The following CHUK variants were observed in gnomAD, a reference collection of about 807,000 sequenced individuals.
The protein encoded by CHUK is inhibitor of nuclear factor kappa-B kinase subunit alpha.
In CHUK, 35 loss-of-function variants were observed where a neutral mutation model predicts 104.8. The observed-to-expected ratio is 0.33, with a 90% CI of 0.26 to 0.44. The LOEUF is 0.44. Among genes scored for constraint, CHUK ranks in the 20% least tolerant of loss-of-function variants. CHUK has a pLI of 1.00. For missense variants in CHUK, 663 were observed against 902.7 expected (o/e 0.73, Z 3.40); for synonymous variants, 276 against 291.9 (o/e 0.95, Z 0.56).
Position 100,207,271 on chromosome 10 carries a change from G to C in CHUK, c.1190C>G (p.Pro397Arg). The change falls in exon 11 of 21, where the codon CCA becomes CGA. Residue 397 changes from proline to arginine, a missense_variant. Transcript: ENST00000370397. ...ATCAGATAAACTTCTGGAAGCAAAT[G>C]GCCCTTCATATACAGTTTTACTTTT... ...FDKSKTVYEG[P>R]FASRSLSDCV... The C allele has an allele frequency of 6.3e-7, 1 of 1,578,126 alleles. No individual in the cohort carries two copies. Among genetic ancestry groups the C allele is most frequent in the Non-Finnish European group, 8.7e-7 (1 of 1,148,300 alleles).
At position 100,218,974 on chromosome 10, in the gene CHUK, A is replaced by G. The variant is rs759528104; in HGVS notation, c.689+34T>C. ...GACAAATGAAAAAATTTCCATTCCC[A>G]TTAAGCATGCCCAAGTTCTCATCCA... On this transcript the variant is annotated intron_variant, in intron 7 of 20. Coordinates refer to ENST00000370397, the MANE Select transcript of CHUK (RefSeq NM_001278.5). 1.1e-5 allele frequency: 17 copies of G among 1,613,556 alleles called. No individual in the cohort carries two copies. In the East Asian group the frequency reaches 3.8e-4, roughly 36 times the overall value.
chr10:100,203,839 G>A (rs1437190871), intron 13 of CHUK, among the ~76,000 whole-genome samples: 25 of 152,106 alleles, frequency 1.6e-4, no homozygotes. Context: ...AGCAGTTTAA[G>A]ACTCCCCTGG....
Position 100,222,905 on chromosome 10 carries a change from A to C in CHUK, c.276T>G (p.Leu92=). Reference sequence around the variant, plus strand: ...CTCCAGAACAGTATTCCATTGCTAGAAGAGGCACATCATGAATCAAAATAT... The same window carrying C: ...CTCCAGAACAGTATTCCATTGCTAGCAGAGGCACATCATGAATCAAAATAT... ...ELNILIHDVP[L]LAMEYCSGGD... The change falls in exon 3 of 21, where the codon CTT becomes CTG. Residue 92 remains leucine (L), a synonymous_variant. Coordinates refer to ENST00000370397, the MANE Select transcript of CHUK (RefSeq NM_001278.5). 5.0e-6 allele frequency: 8 copies of C among 1,605,428 alleles called. No individual in the cohort carries two copies. Among genetic ancestry groups the C allele is most frequent in the Non-Finnish European group, 6.8e-6 (8 of 1,172,240 alleles).
At chr10:100,229,343 C>T (rs1035902117) in intron 1 of CHUK, 85 bp downstream of exon 1, 1 of 1,001,964 alleles carries the variant, frequency 1.0e-6, no homozygotes, top group Admixed American at 1.9e-5. Context: ...ACCATCTATC[C>T]CACACTGTCA....
chr10:100,226,056 T>G (rs762572669), intron 1 of CHUK, 39 bp from the exon 2 acceptor site: 2 of 1,220,394 alleles, frequency 1.6e-6, no homozygotes, highest in African/African-American at 3.0e-5. Context: ...AAAAATTAGG[T>G]TCTTGTGAAG....
chr10:100,207,435 A>C, intron 10 of CHUK, 103 bp from the exon 11 acceptor site: 1 of 688,840 alleles, frequency 1.5e-6, no homozygotes, highest in East Asian at 2.7e-5. Context: ...AATGCAAATG[A>C]ACAAAATCAA....
rs1171715993 is a variant in CHUK, at chr10:100,190,924, C to T, written c.2153G>A (p.Gly718Asp). The change falls in exon 20 of 21, where the codon GGC becomes GAC. Residue 718 changes from glycine (G) to aspartate (D), a missense_variant. By Grantham distance (94) the Gly-to-Asp change is moderately conservative. Transcript: ENST00000370397. The stretch of plus-strand genomic sequence containing the variant: ...CTCATGAATAATAGTGCTTAAATGG[C>T]CAAGGCAGTTCAAATTTTCTTCTAT... ...QMIEENLNCL[G>D]HLSTIIHEAN... 3.7e-6 allele frequency: 6 copies of T among 1,612,768 alleles called. No homozygotes were observed. The highest frequency in any genetic ancestry group is 5.1e-6 in the Non-Finnish European group (6 of 1,178,762).
intron 18 of CHUK, chr10:100,193,686 T>C (rs1441610049): frequency 6.7e-6 from 4 of 597,324 alleles, no homozygotes; most frequent in Non-Finnish European, 1.2e-5. Context: ...AAAAACCCAG[T>C]TGAATAGATG....
At chr10:100,208,110 A>C (rs1377346530) in intron 10 of CHUK, among the ~76,000 whole-genome samples, 1 of 152,020 alleles carries the variant, frequency 6.6e-6, no homozygotes. Flanking sequence ...ATACAAAAAG[A>C]AATTTTTTTT....
At chr10:100,213,000 C>CA (rs11349438) in intron 9 of CHUK, among the ~76,000 whole-genome samples, 1,648 of 104,324 alleles carry the variant, frequency 0.016, 38 homozygotes, top group African/African-American at 0.051. Flanking sequence ...GACTTTGTCT[C>CA]AAAAAAAAAA....
chr10:100,219,361 T>C lies in CHUK; in HGVS notation c.475-2A>G, dbSNP rs1241489053. On this transcript the variant is annotated splice_acceptor_variant, in intron 5 of 20. Transcript: ENST00000370397. LOFTEE classifies it high-confidence loss of function. ...CAGATCAATTATTTTATGTATTATC[T>C]GCAAAATAATAAGACAGATTAAGTA... is the stretch of plus-strand genomic sequence containing the variant. 7.0e-7 allele frequency: 1 copy of C among 1,431,650 alleles called. No homozygotes were observed. The highest frequency in any genetic ancestry group is 9.9e-7 in the Non-Finnish European group (1 of 1,014,160). The allele number at this position is 1,431,650 out of a possible 1,614,324, so 88.7% of individuals were successfully genotyped here. A position where few individuals can be genotyped will look rare whatever the true frequency, so the allele number is the denominator to read the frequency against.
At chr10:100,191,627 C>T (rs563415983) in intron 19 of CHUK, among the ~76,000 whole-genome samples, 1 of 152,304 alleles carries the variant, frequency 6.6e-6, no homozygotes, top group Non-Finnish European at 1.5e-5. Flanking sequence ...TTCTATATGG[C>T]CTCTAGCTTC....
At chr10:100,192,230 T>C (rs748160101) in intron 19 of CHUK, among the ~76,000 whole-genome samples, 191 of 152,374 alleles carry the variant, frequency 1.3e-3, no homozygotes, top group Non-Finnish European at 2.4e-3. Flanking sequence ...TGGTGACATT[T>C]GTAAACATTA....
chr10:100,201,990 T>A, intron 14 of CHUK, 98 bp downstream of exon 14: 1 of 898,172 alleles, frequency 1.1e-6, no homozygotes, highest in East Asian at 2.4e-5. Flanking sequence ...ATTTCAGGAA[T>A]GACATGAAAA....
At chr10:100,219,625 A>G (rs979916058) in intron 5 of CHUK, among the ~76,000 whole-genome samples, 1 of 152,236 alleles carries the variant, frequency 6.6e-6, no homozygotes, top group African/African-American at 2.4e-5. Context: ...TAACGAAAGT[A>G]AAGAAGGTAA....
chr10:100,223,121 T>C, intron 2 of CHUK, 141 bp from the exon 3 acceptor site: 1 of 535,848 alleles, frequency 1.9e-6, no homozygotes, highest in Non-Finnish European at 3.3e-6. Flanking sequence ...TTCTGATTTG[T>C]ATAATTAAAA....
chr10:100,213,997 G>A (rs866482042), intron 9 of CHUK, among the ~76,000 whole-genome samples: 10 of 152,100 alleles, frequency 6.6e-5, no homozygotes, highest in East Asian at 5.8e-4. Flanking sequence ...AAACTGATAC[G>A]GATTTGCAAT....
At chr10:100,218,653 A>G in intron 8 of CHUK, 65 bp downstream of exon 8, 1 of 1,012,418 alleles carries the variant, frequency 9.9e-7, no homozygotes, top group Non-Finnish European at 1.6e-6. Context: ...ACAGACAACT[A>G]CTCTCCTGCT....
At chr10:100,222,247 T>G in intron 3 of CHUK, 66 bp from the exon 4 acceptor site, 1 of 776,480 alleles carries the variant, frequency 1.3e-6, no homozygotes, top group Admixed American at 1.9e-5. Flanking sequence ...TGACCACACA[T>G]TAATTACTAT....
Sources: gnomAD v4.1 joint callset for allele counts (sites outside exome capture counted in the v4.1 genomes callset) on GRCh38, gnomAD v4.1.1 for gene constraint, MANE v1.5 for transcripts, NCBI Gene and HGNC (gene_info 2026-07-23, HGNC 2026-07-21) for gene names.